RNF38: variants seen among roughly 807,000 people sequenced by gnomAD.
The protein encoded by RNF38 is ring finger protein 38, also known as E3 ubiquitin-protein ligase RNF38.
In RNF38, 15 loss-of-function variants were observed where a neutral mutation model predicts 67.2. The ratio of observed to expected loss-of-function variants is 0.22; its 90% CI spans 0.15 to 0.34. RNF38 has a LOEUF of 0.34. Ranked by LOEUF, RNF38 falls within the 10% of genes least tolerant of loss-of-function variation. RNF38 has a pLI of 1.00. For synonymous variants in RNF38, 220 were observed against 218.8 expected (o/e 1.01, Z -0.05); for missense variants, 524 against 639.9 (o/e 0.82, Z 1.95).
At chr9:36,453,625 C>A (rs1839514103) in intron 1 of RNF38, among the ~76,000 whole-genome samples, 1 of 152,152 alleles carries the variant, frequency 6.6e-6, no homozygotes, top group African/African-American at 2.4e-5. Flanking sequence ...CCCAAGTGAT[C>A]CACTGCCTTG....
At chr9:36,359,737 A>AT (rs11374341) in intron 4 of RNF38, among the ~76,000 whole-genome samples, 140,655 of 146,068 alleles carry the variant, frequency 0.96, 67,777 homozygotes, top group South Asian at 0.99. Context: ...TTATATTAAG[A>AT]TTTTTTTTTT....
chr9:36,458,222 C>T (rs1353523722), intron 1 of RNF38, among the ~76,000 whole-genome samples: 1 of 152,176 alleles, frequency 6.6e-6, no homozygotes. Flanking sequence ...ATTGTAAATG[C>T]ACCAATCAGC....
At chr9:36,459,727 T>C (rs1839681625) in intron 1 of RNF38, among the ~76,000 whole-genome samples, 1 of 152,306 alleles carries the variant, frequency 6.6e-6, no homozygotes, top group East Asian at 1.9e-4. Flanking sequence ...CACTAAATAC[T>C]ATTTTCACTT....
At position 36,459,068 on chromosome 9, in the gene RNF38, C is replaced by T. The variant is rs568476378; in HGVS notation, n.241+28240G>A. Among the ~76,000 whole-genome samples the T allele has an allele frequency of 7.9e-5, 12 of 151,982 alleles. No homozygotes were observed. In the East Asian group the frequency reaches 2.1e-3, roughly 27 times the overall value. ...ACTAAAAATACAAAAATTAGGTGGGCGTGGTAGTGCAGGCCTGCAATCCCA... is the reference window on the plus strand; with the variant it reads ...ACTAAAAATACAAAAATTAGGTGGGTGTGGTAGTGCAGGCCTGCAATCCCA... On this transcript the variant is annotated intron_variant and non_coding_transcript_variant, in intron 1 of 3. Transcript: ENST00000488058.
At chr9:36,397,007 A>C (rs1232064268) in intron 1 of RNF38, among the ~76,000 whole-genome samples, 1 of 11,184 alleles carries the variant, frequency 8.9e-5, no homozygotes, top group Non-Finnish European at 5.2e-4. Context: ...AATTTGCTTT[A>C]TATATGTGTG....
At chr9:36,373,286 T>C (rs971342977) in intron 3 of RNF38, among the ~76,000 whole-genome samples, 1 of 152,234 alleles carries the variant, frequency 6.6e-6, no homozygotes, top group Non-Finnish European at 1.5e-5. Context: ...GGTACATTAA[T>C]ATAATGGAAC....
At chr9:36,481,683 T>C (rs377566586) in intron 1 of RNF38, among the ~76,000 whole-genome samples, 2 of 152,202 alleles carry the variant, frequency 1.3e-5, no homozygotes, top group African/African-American at 2.4e-5. Context: ...ACTTCAAATG[T>C]ATCTTTCCCT....
intron 2 of RNF38, among the ~76,000 whole-genome samples, chr9:36,376,885 C>CA (rs1420390775): frequency 6.9e-6 from 1 of 144,924 alleles, no homozygotes; most frequent in Admixed American, 7.0e-5. Context: ...GAGATCACGC[C>CA]ATGGCACCCC....
At chr9:36,372,464 C>A in intron 3 of RNF38, 2 of 672,292 alleles carry the variant, frequency 3.0e-6, no homozygotes, top group South Asian at 3.3e-5. Context: ...TCACTTCATT[C>A]GTTTTTTTCA....
intron 8 of RNF38, among the ~76,000 whole-genome samples, chr9:36,352,121 G>A (rs546648605): frequency 5.7e-4 from 86 of 152,210 alleles, no homozygotes; most frequent in Non-Finnish European, 1.1e-3. Context: ...CCAACATGGC[G>A]AAACCCTGTT....
In RNF38 at chr9:36,365,815, G is replaced by GCCA. The variant is rs368994635; in HGVS notation, c.570+3901_570+3903dup. Among the ~76,000 whole-genome samples, 1,045 of 151,678 alleles carry GCCA rather than the reference G, an allele frequency of 6.9e-3. 14 individuals are homozygous for GCCA. Among genetic ancestry groups the GCCA allele is most frequent in the African/African-American group, 0.024 (979 of 41,370 alleles). On this transcript the variant is annotated intron_variant, in intron 4 of 11. Coordinates refer to ENST00000259605, the MANE Select transcript of RNF38 (RefSeq NM_022781.5). ...CGAACAGCTGGGACTACAGGTGCGCGCCACCATGCCCAGCTAATTTTTGTA... is the reference window on the plus strand; with the variant it reads ...CGAACAGCTGGGACTACAGGTGCGCGCCACCACCATGCCCAGCTAATTTTTGTA...
At chr9:36,471,324 G>T (rs1315163129) in intron 1 of RNF38, among the ~76,000 whole-genome samples, 1 of 152,154 alleles carries the variant, frequency 6.6e-6, no homozygotes. Context: ...TTTTAATCAA[G>T]CCTTAAAAAT....
intron 2 of RNF38, among the ~76,000 whole-genome samples, chr9:36,380,942 CCTACATGA>C (rs965712938): frequency 1.3e-5 from 2 of 152,030 alleles, no homozygotes; most frequent in African/African-American, 4.8e-5. Context: ...GACTGAGACC[CCTACATGA>C]AGTAGTCAAA....
chr9:36,467,776 G>T (rs1327087315), intron 1 of RNF38, among the ~76,000 whole-genome samples: 1 of 152,194 alleles, frequency 6.6e-6, no homozygotes, highest in Admixed American at 6.5e-5. Context: ...TGGGATTATA[G>T]TGGGGAGAGG....
chr9:36,380,371 G>C (rs969844143), intron 2 of RNF38, among the ~76,000 whole-genome samples: 3 of 152,052 alleles, frequency 2.0e-5, no homozygotes, highest in South Asian at 2.1e-4. Flanking sequence ...TGCTAATTTT[G>C]TATTTTTAAG....
chr9:36,394,617 G>A (rs1240997950), intron 1 of RNF38, among the ~76,000 whole-genome samples: 1 of 152,118 alleles, frequency 6.6e-6, no homozygotes, highest in Non-Finnish European at 1.5e-5. Context: ...ACTGAACTGG[G>A]CTCTCCCATC....
rs955246414 is a variant in RNF38, at chr9:36,347,659, C to T, written c.1264-2706G>A. 3.3e-5 allele frequency among the ~76,000 whole-genome samples: 5 copies of T among 152,322 alleles called. No homozygotes were observed. The South Asian group carries it at 8.3e-4, about 25-fold the overall frequency. ...GACTGGCTATTCGCCCATCTCTCTC[C>T]GTCTCCTGCGGTATTCCTAGTCTCT... is the stretch of plus-strand genomic sequence containing the variant. On this transcript the variant is annotated intron_variant, in intron 9 of 11. Coordinates refer to ENST00000259605, the MANE Select transcript of RNF38 (RefSeq NM_022781.5).
chr9:36,421,474 AC>A (rs1195212812), intron 2 of RNF38, among the ~76,000 whole-genome samples: 3 of 151,184 alleles, frequency 2.0e-5, no homozygotes, highest in African/African-American at 7.3e-5. Context: ...GACCAGCCTG[AC>A]CAACATGGAG....
intron 1 of RNF38, among the ~76,000 whole-genome samples, chr9:36,464,043 T>C (rs1039390691): frequency 6.6e-6 from 1 of 151,848 alleles, no homozygotes; most frequent in Admixed American, 6.6e-5. Flanking sequence ...GGCAGGCACC[T>C]GTACTCCCAG....
Sources: gnomAD v4.1 joint callset for allele counts (sites outside exome capture counted in the v4.1 genomes callset) on GRCh38, gnomAD v4.1.1 for gene constraint, MANE v1.5 for transcripts, NCBI Gene and HGNC (gene_info 2026-07-23, HGNC 2026-07-21) for gene names.